The following TRIM67 variants were observed in gnomAD, a reference collection of about 807,000 sequenced individuals.
TRIM67 encodes tripartite motif containing 67, also known as tripartite motif-containing protein 67.
Under a neutral mutation model 71.0 loss-of-function variants are expected in TRIM67, and 39 were observed. The ratio of observed to expected loss-of-function variants is 0.55; its 90% CI spans 0.43 to 0.72. The LOEUF (loss-of-function observed/expected upper bound fraction) is 0.72. Ranked by LOEUF, TRIM67 falls within the 30% of genes least tolerant of loss-of-function variation. The pLI is 0.00. For synonymous variants in TRIM67, 481 were observed against 473.9 expected (o/e 1.01, Z -0.19); for missense variants, 973 against 1,079.2 (o/e 0.90, Z 1.38).
intron 3 of TRIM67, 74 bp downstream of exon 3, chr1:231,199,243 T>C: frequency 6.9e-7 from 1 of 1,439,682 alleles, no homozygotes; most frequent in Non-Finnish European, 9.8e-7. Flanking sequence ...GAGCACAGAG[T>C]AGGCACTGGG....
At chr1:231,194,363 C>G (rs2102742848) in intron 1 of TRIM67, among the ~76,000 whole-genome samples, 1 of 152,284 alleles carries the variant, frequency 6.6e-6, no homozygotes, top group Admixed American at 6.5e-5. Context: ...TGGAGTTGTC[C>G]TGGGCTCTGC....
Position 231,196,781 on chromosome 1 carries a change from G to A in TRIM67, c.1045-590G>A, listed in dbSNP as rs980685432. ...CTGGTCACACCCCTCTCTGCAGGGT[G>A]AGGAGTCCCCAGGGCTAAGGGTACC... On this transcript the variant is annotated intron_variant, in intron 1 of 9. Coordinates refer to ENST00000366653, the MANE Select transcript of TRIM67 (RefSeq NM_001004342.5). Among the ~76,000 whole-genome samples the A allele has an allele frequency of 1.3e-5, 2 of 152,184 alleles. 1 individual carries two copies. Among genetic ancestry groups the A allele is most frequent in the South Asian group, 4.1e-4 (2 of 4,828 alleles).
intron 1 of TRIM67, among the ~76,000 whole-genome samples, chr1:231,170,372 C>T (rs1036731194): frequency 3.9e-5 from 6 of 152,190 alleles, no homozygotes; most frequent in Non-Finnish European, 8.8e-5. Flanking sequence ...AATCCAGAAA[C>T]TTGAGTTGCT....
chr1:231,175,054 C>T (rs1682709452), intron 1 of TRIM67, among the ~76,000 whole-genome samples: 1 of 152,176 alleles, frequency 6.6e-6, no homozygotes, highest in Non-Finnish European at 1.5e-5. Flanking sequence ...TGCTACTGCT[C>T]CCTGCCAGTC....
chr1:231,219,599 C>T lies in TRIM67; in HGVS notation c.*4159C>T, dbSNP rs929625541. The T allele has an allele frequency of 3.8e-5, 43 of 1,132,992 alleles. No individual in the cohort carries two copies. In the African/African-American group the frequency reaches 6.1e-4, roughly 16 times the overall value. 70.2% of individuals were successfully genotyped at this position (1,132,992 alleles called of 1,614,324 possible). A position where few individuals can be genotyped will look rare whatever the true frequency, so the allele number is the denominator to read the frequency against. On this transcript the variant is annotated 3_prime_UTR_variant, in exon 10 of 10. Transcript: ENST00000366653. ...TCACTGAAGATGCCCCCTGCCCGCT[C>T]CCCACTTCCTAGAAAGCAAAACTCG...
intron 2 of TRIM67, among the ~76,000 whole-genome samples, chr1:231,198,807 A>C (rs566481324): frequency 1.3e-5 from 2 of 152,292 alleles, no homozygotes; most frequent in East Asian, 3.9e-4. Context: ...TTCTCATGGC[A>C]TTAAAAGTGC....
At chr1:231,174,003 T>C (rs919423501) in intron 1 of TRIM67, among the ~76,000 whole-genome samples, 1 of 152,106 alleles carries the variant, frequency 6.6e-6, no homozygotes, top group African/African-American at 2.4e-5. Context: ...TTTTATGTAC[T>C]ATCTCTTCAG....
At position 231,169,993 on chromosome 1, in the gene TRIM67, C is replaced by CT. The variant is rs369558747; in HGVS notation, c.1044+5990dup. Among the ~76,000 whole-genome samples, 31 of 136,138 alleles carry CT rather than the reference C, an allele frequency of 2.3e-4. 1 individual carries two copies. Among genetic ancestry groups the CT allele is most frequent in the East Asian group, 6.2e-4 (3 of 4,806 alleles). 89.3% of individuals were successfully genotyped at this position (136,138 alleles called of 152,430 possible). On this transcript the variant is annotated intron_variant, in intron 1 of 9. Transcript: ENST00000366653. Reference sequence around the variant, plus strand: ...CTTTAAAATGTTTTTTTCTTTCTCTCTTTTTTTTTTGAGTTGGAGTTTCAC... The same window carrying CT: ...CTTTAAAATGTTTTTTTCTTTCTCTCTTTTTTTTTTTGAGTTGGAGTTTCAC...
Position 231,214,117 on chromosome 1 carries a change from C to G in TRIM67, c.2286+140C>G, listed in dbSNP as rs1180117651. The G allele has an allele frequency of 2.7e-6, 3 of 1,104,676 alleles. No individual in the cohort carries two copies. The African/African-American group carries it at 4.8e-5, about 18-fold the overall frequency. 68.4% of individuals were successfully genotyped at this position (1,104,676 alleles called of 1,614,324 possible). On this transcript the variant is annotated intron_variant, in intron 9 of 9. Coordinates refer to ENST00000366653, the MANE Select transcript of TRIM67 (RefSeq NM_001004342.5). Reference sequence around the variant, plus strand: ...CAGACAGAGCTTATCAACTGGCCTGCCTTGGACATTTCCTGGAGGCGTTCC... The same window carrying G: ...CAGACAGAGCTTATCAACTGGCCTGGCTTGGACATTTCCTGGAGGCGTTCC...
intron 5 of TRIM67, among the ~76,000 whole-genome samples, chr1:231,202,071 G>GAGGAGGGGGAGGTGGAAA (rs796654294): frequency 8.1e-6 from 1 of 123,168 alleles, no homozygotes; most frequent in Admixed American, 7.6e-5. Context: ...GGAGATGGAG[G>GAGGAGGGGGAGGTGGAAA]AGGAGGAGGT....
In TRIM67 at chr1:231,163,998, G is replaced by A. The variant is rs754520980; in HGVS notation, c.1029G>A (p.Met343Ile). 1.3e-6 allele frequency: 2 copies of A among 1,565,104 alleles called. No individual in the cohort carries two copies. Among genetic ancestry groups the A allele is most frequent in the Non-Finnish European group, 1.7e-6 (2 of 1,154,196 alleles). The change falls in exon 1 of 10, where the codon ATG becomes ATA. Residue 343 changes from methionine (M) to isoleucine (I), a missense_variant. Coordinates refer to ENST00000366653, the MANE Select transcript of TRIM67 (RefSeq NM_001004342.5). ...ACGAGGTGAAGCCGCTGGGGGCCAT[G>A]TGGAAGCAGCACAAGGTGAGCCCGC... ...AKHEVKPLGA[M>I]WKQHKAQLSQ...
At chr1:231,214,866 A>G (rs1269486336) in intron 9 of TRIM67, among the ~76,000 whole-genome samples, 1 of 151,896 alleles carries the variant, frequency 6.6e-6, no homozygotes, top group African/African-American at 2.4e-5. Context: ...TTGGGAGGCC[A>G]TGGCAGGAGA....
At position 231,215,606 on chromosome 1, in the gene TRIM67, ATG is replaced by A; in HGVS notation, c.*167_*168del. 7.1e-7 allele frequency: 1 copy of A among 1,415,926 alleles called. No homozygotes were observed. Among genetic ancestry groups the A allele is most frequent in the Non-Finnish European group, 9.2e-7 (1 of 1,081,888 alleles). 87.7% of individuals were successfully genotyped at this position (1,415,926 alleles called of 1,614,324 possible). On this transcript the variant is annotated 3_prime_UTR_variant, in exon 10 of 10. Coordinates refer to ENST00000366653, the MANE Select transcript of TRIM67 (RefSeq NM_001004342.5). Reference sequence around the variant, plus strand: ...ACACATTTTCTTGGGGACGCAGGGAATGGGTCCACGGGCCATGCTCACAGCTG... The same window carrying A: ...ACACATTTTCTTGGGGACGCAGGGAAGGTCCACGGGCCATGCTCACAGCTG...
chr1:231,206,615 C>G, intron 6 of TRIM67, 37 bp from the exon 7 acceptor site: 1 of 1,520,706 alleles, frequency 6.6e-7, no homozygotes, highest in Non-Finnish European at 8.8e-7. Flanking sequence ...TTTCCAAATG[C>G]TAGAGGAGCC....
rs528385410 is a variant in TRIM67, at chr1:231,162,263, T to C, written c.-707T>C. On this transcript the variant is annotated 5_prime_UTR_variant, in exon 1 of 10. Coordinates refer to ENST00000366653, the MANE Select transcript of TRIM67 (RefSeq NM_001004342.5). ...GCAGGGAGAAAGCCCCAGGGCGCAG[T>C]CAGCCGGCGTCCACAGCCGCCCAGG... 6.6e-6 allele frequency: 1 copy of C among 152,272 alleles called. No individual in the cohort carries two copies. The highest frequency in any genetic ancestry group is 6.5e-5 in the Admixed American group (1 of 15,294). 9.4% of individuals were successfully genotyped at this position (152,272 alleles called of 1,614,324 possible). A position where few individuals can be genotyped will look rare whatever the true frequency, so the allele number is the denominator to read the frequency against.
chr1:231,217,479 C>G lies in TRIM67; in HGVS notation c.*2039C>G. ...CATCCTTAGCCATAGCTCTGGGTGG[C>G]CTTTGCTTGGAGCATGGAGACGATC... is the stretch of plus-strand genomic sequence containing the variant. On this transcript the variant is annotated 3_prime_UTR_variant, in exon 10 of 10. Transcript: ENST00000366653. 1 of 1,000,126 alleles carries G rather than the reference C, an allele frequency of 1.0e-6. No individual in the cohort carries two copies. Among genetic ancestry groups the G allele is most frequent in the Non-Finnish European group, 1.2e-6 (1 of 838,750 alleles). The allele number at this position is 1,000,126 out of a possible 1,614,324, so 62.0% of individuals were successfully genotyped here.
chr1:231,192,180 C>G (rs1283804714), intron 1 of TRIM67, among the ~76,000 whole-genome samples: 1 of 149,594 alleles, frequency 6.7e-6, no homozygotes, highest in Non-Finnish European at 1.5e-5. Flanking sequence ...AGATCTCCAT[C>G]TGTCTCTCTC....
intron 9 of TRIM67, among the ~76,000 whole-genome samples, chr1:231,214,696 A>G (rs762948174): frequency 8.7e-5 from 13 of 150,144 alleles, no homozygotes; most frequent in Non-Finnish European, 1.3e-4. Flanking sequence ...GGAGAATGGC[A>G]TGAACCCGGG....
At chr1:231,171,786 T>C (rs1381047764) in intron 1 of TRIM67, among the ~76,000 whole-genome samples, 1 of 152,086 alleles carries the variant, frequency 6.6e-6, no homozygotes, top group African/African-American at 2.4e-5. Context: ...GTACAGCAAG[T>C]TGTGAAATGA....
Sources: allele counts gnomAD v4.1 joint callset (sites outside exome capture counted in the v4.1 genomes callset), GRCh38; gene constraint gnomAD v4.1.1; transcripts MANE v1.5; gene names NCBI Gene and HGNC (gene_info 2026-07-23, HGNC 2026-07-21).